POU2F3: variants seen among roughly 807,000 people sequenced by gnomAD.
The protein encoded by POU2F3 is POU class 2 homeobox 3, also known as POU domain, class 2, transcription factor 3.
Under a neutral mutation model 59.2 loss-of-function variants are expected in POU2F3, and 23 were observed. The observed-to-expected ratio is 0.39, with a 90% CI of 0.28 to 0.55. POU2F3 has a LOEUF of 0.55. POU2F3 is among the 20% of genes least tolerant of loss of function. The pLI is 0.66. For synonymous variants in POU2F3, 190 were observed against 214.6 expected, an observed-to-expected ratio of 0.89 and a Z score of 1.00; for missense variants, 473 against 544.5, an observed-to-expected ratio of 0.87 and a Z score of 1.31.
chr11:120,295,234 G>C (rs1941161247), intron 3 of POU2F3, among the ~76,000 whole-genome samples: 1 of 152,210 alleles, frequency 6.6e-6, no homozygotes, highest in African/African-American at 2.4e-5. Context: ...ATAGCGCCCA[G>C]GTTGGAGGCA....
intron 3 of POU2F3, among the ~76,000 whole-genome samples, chr11:120,270,017 C>G (rs1939995216): frequency 6.6e-6 from 1 of 151,948 alleles, no homozygotes; most frequent in African/African-American, 2.4e-5. Flanking sequence ...TGGAGCCAAG[C>G]AGGGAGCAAT....
intron 3 of POU2F3, among the ~76,000 whole-genome samples, chr11:120,279,582 G>A (rs1376388567): frequency 3.3e-5 from 5 of 152,220 alleles, no homozygotes; most frequent in African/African-American, 4.8e-5. Context: ...CTCTGCAAGC[G>A]TGGGCGGGGA....
At position 120,318,707 on chromosome 11, in the gene POU2F3, A is replaced by G. The variant is rs1288710523; in HGVS notation, c.*315A>G. ...AGCTTCACTGTGGCAATAGTCTTTCAGAGAAAAGACTTCTTGCTGTTATTC... is the reference window on the plus strand; with the variant it reads ...AGCTTCACTGTGGCAATAGTCTTTCGGAGAAAAGACTTCTTGCTGTTATTC... On this transcript the variant is annotated 3_prime_UTR_variant, in exon 13 of 13. Transcript: ENST00000543440. 1.2e-5 allele frequency: 4 copies of G among 321,008 alleles called. No homozygotes were observed. The highest frequency in any genetic ancestry group is 8.6e-5 in the African/African-American group (4 of 46,602). 19.9% of individuals were successfully genotyped at this position (321,008 alleles called of 1,614,324 possible).
intron 2 of POU2F3, among the ~76,000 whole-genome samples, chr11:120,248,556 G>A (rs1233327945): frequency 2.6e-5 from 4 of 152,170 alleles, no homozygotes; most frequent in Non-Finnish European, 5.9e-5. Flanking sequence ...CAGTGCATCA[G>A]CCCGGAAGGT....
intron 3 of POU2F3, among the ~76,000 whole-genome samples, chr11:120,273,391 A>G (rs2135207402): frequency 6.6e-6 from 1 of 152,304 alleles, no homozygotes; most frequent in Middle Eastern, 3.4e-3. Context: ...ATGGTGTCTG[A>G]AGTGGGTGGT....
At chr11:120,298,128 C>T in intron 3 of POU2F3, 137 bp from the exon 4 acceptor site, 1 of 1,106,664 alleles carries the variant, frequency 9.0e-7, no homozygotes, top group Non-Finnish European at 1.3e-6. Context: ...AAGTAAGCTG[C>T]AGCCCAGTAG....
intron 2 of POU2F3, chr11:120,254,947 T>C (rs1314315706): frequency 1.3e-5 from 2 of 152,210 alleles, no homozygotes; most frequent in Non-Finnish European, 2.9e-5. Flanking sequence ...GCTGCAGGCA[T>C]CTCCCAAAAG....
At chr11:120,244,256 C>T (rs1308046866) in intron 1 of POU2F3, among the ~76,000 whole-genome samples, 1 of 152,160 alleles carries the variant, frequency 6.6e-6, no homozygotes, top group Non-Finnish European at 1.5e-5. Context: ...AAAACCAAAG[C>T]TATTCCTTAT....
At chr11:120,304,856 C>T (rs1390402447) in intron 6 of POU2F3, among the ~76,000 whole-genome samples, 174 bp from the exon 7 acceptor site, 1 of 146,702 alleles carries the variant, frequency 6.8e-6, no homozygotes, top group African/African-American at 2.5e-5. Flanking sequence ...CTTTAATTTC[C>T]ACTTCCATGC....
Position 120,290,808 on chromosome 11 carries a change from ATG to A in POU2F3, c.133-7447_133-7446del, listed in dbSNP as rs920163538. ...TTCACGATCATAAGTTGGTGTGTAT[ATG>A]TGTGTGTGTATGGGCACGCGCGTGC... On this transcript the variant is annotated intron_variant, in intron 3 of 12. Coordinates refer to ENST00000543440, the MANE Select transcript of POU2F3 (RefSeq NM_014352.4). 6.4e-4 allele frequency among the ~76,000 whole-genome samples: 97 copies of A among 152,270 alleles called. 1 individual carries two copies. Among genetic ancestry groups the A allele is most frequent in the African/African-American group, 2.3e-3 (95 of 41,544 alleles).
intron 1 of POU2F3, 61 bp downstream of exon 1, chr11:120,240,432 G>A: frequency 7.6e-7 from 1 of 1,319,190 alleles, no homozygotes. Flanking sequence ...GGGTGAAGGA[G>A]AGGGACAACG....
chr11:120,302,966 G>T (rs1941390479), intron 6 of POU2F3: 1 of 152,462 alleles, frequency 6.6e-6, no homozygotes, highest in African/African-American at 2.4e-5. Flanking sequence ...TCATGCCAAG[G>T]TGGACAGATT....
chr11:120,271,001 A>G (rs1326942856), intron 3 of POU2F3, among the ~76,000 whole-genome samples: 1 of 152,178 alleles, frequency 6.6e-6, no homozygotes, highest in Non-Finnish European at 1.5e-5. Context: ...GCCTGAAGTC[A>G]CTATTAACAT....
intron 2 of POU2F3, among the ~76,000 whole-genome samples, chr11:120,264,417 G>A (rs1565363155): frequency 6.6e-6 from 1 of 152,232 alleles, no homozygotes; most frequent in Non-Finnish European, 1.5e-5. Flanking sequence ...CACAGAGGAG[G>A]AAATCCTTTG....
Position 120,256,788 on chromosome 11 carries a change from G to A in POU2F3, c.97+10271G>A, listed in dbSNP as rs181958737. The A allele has an allele frequency of 7.2e-5, 11 of 152,330 alleles. No homozygotes were observed. In the East Asian group the frequency reaches 1.9e-3, roughly 27 times the overall value. 9.4% of individuals were successfully genotyped at this position (152,330 alleles called of 1,614,324 possible). ...TGGTGCAGATTCACGGAGACTAGATGTTGTAGTTCCAGAAGATCTAAAAGT... is the reference window on the plus strand; with the variant it reads ...TGGTGCAGATTCACGGAGACTAGATATTGTAGTTCCAGAAGATCTAAAAGT... On this transcript the variant is annotated intron_variant, in intron 2 of 12. Coordinates refer to ENST00000543440, the MANE Select transcript of POU2F3 (RefSeq NM_014352.4).
intron 2 of POU2F3, among the ~76,000 whole-genome samples, chr11:120,251,606 A>C (rs1009837543): frequency 1.3e-5 from 2 of 152,074 alleles, no homozygotes; most frequent in African/African-American, 2.4e-5. Flanking sequence ...TCCCCCCCAG[A>C]CATGGAGGGG....
intron 5 of POU2F3, 66 bp downstream of exon 5, chr11:120,299,792 T>C: frequency 1.4e-6 from 2 of 1,439,556 alleles, no homozygotes; most frequent in Non-Finnish European, 1.9e-6. Context: ...TGCTGTTTTT[T>C]GCTGGGTGAG....
intron 8 of POU2F3, 54 bp downstream of exon 8, chr11:120,305,839 G>C: frequency 3.8e-6 from 6 of 1,597,444 alleles, no homozygotes; most frequent in Non-Finnish European, 5.1e-6. Flanking sequence ...GCAGGGAAGG[G>C]CCAGTGACTT....
intron 2 of POU2F3, among the ~76,000 whole-genome samples, chr11:120,266,375 C>A (rs1266493839): frequency 1.3e-5 from 2 of 152,146 alleles, no homozygotes; most frequent in Non-Finnish European, 2.9e-5. Flanking sequence ...AGCAGCCTCC[C>A]AGTTGGTCTC....
Sources: allele counts gnomAD v4.1 joint callset (sites outside exome capture counted in the v4.1 genomes callset), GRCh38; gene constraint gnomAD v4.1.1; transcripts MANE v1.5; gene names NCBI Gene and HGNC (gene_info 2026-07-23, HGNC 2026-07-21).